TBX15: variants seen among roughly 807,000 people sequenced by gnomAD.
The protein encoded by TBX15 is T-box transcription factor 15.
TBX15 carries 18 observed loss-of-function variants against 53.9 expected under a neutral mutation model. The observed-to-expected ratio is 0.33, with a 90% confidence interval of 0.23 to 0.49. The LOEUF is 0.49. TBX15 is among the 20% of genes least tolerant of loss of function. The probability of loss-of-function intolerance (pLI) is 0.98; values close to 1 mark genes in which losing one functional copy is unlikely to be tolerated. For synonymous variants in TBX15, 295 were observed against 278.0 expected (o/e 1.06, Z -0.61); for missense variants, 692 against 749.5 (o/e 0.92, Z 0.90).
intron 7 of TBX15, among the ~76,000 whole-genome samples, chr1:118,885,823 A>G (rs1338794594): frequency 6.6e-6 from 1 of 152,096 alleles, no homozygotes; most frequent in East Asian, 1.9e-4. Context: ...ATAACAATAA[A>G]CCTTCCAAGA....
chr1:118,933,534 T>G (rs546065845), intron 1 of TBX15, among the ~76,000 whole-genome samples: 1 of 151,202 alleles, frequency 6.6e-6, no homozygotes, highest in African/African-American at 2.4e-5. Context: ...TACCTAGGAC[T>G]AAGTAGCAGC....
intron 1 of TBX15, among the ~76,000 whole-genome samples, chr1:118,935,129 A>G (rs1655926609): frequency 6.6e-6 from 1 of 152,212 alleles, no homozygotes; most frequent in South Asian, 2.1e-4. Context: ...GTAATCTCAG[A>G]GTCAAGATTA....
chr1:118,936,161 T>G (rs1571188884), intron 1 of TBX15, among the ~76,000 whole-genome samples: 2 of 152,292 alleles, frequency 1.3e-5, no homozygotes, highest in South Asian at 2.1e-4. Flanking sequence ...CACATTTAAT[T>G]GGAAGTGTAT....
chr1:118,932,008 T>C (rs1655808564), intron 1 of TBX15, among the ~76,000 whole-genome samples, 176 bp from the exon 2 acceptor site: 1 of 152,184 alleles, frequency 6.6e-6, no homozygotes. Context: ...TTTTTATGGT[T>C]TGTTTTTGTG....
At chr1:118,886,771 G>T (rs558841819) in intron 7 of TBX15, among the ~76,000 whole-genome samples, 1 of 152,190 alleles carries the variant, frequency 6.6e-6, no homozygotes, top group African/African-American at 2.4e-5. Flanking sequence ...CTGGGGTGGG[G>T]CCTAAGAATT....
chr1:118,925,104 G>A (rs570292236), intron 3 of TBX15, among the ~76,000 whole-genome samples: 14 of 152,276 alleles, frequency 9.2e-5, no homozygotes, highest in South Asian at 2.1e-4. Flanking sequence ...TCTCACAGCC[G>A]TCTTCCTTTC....
chr1:118,939,340 C>T (rs779545593), intron 1 of TBX15, among the ~76,000 whole-genome samples: 6 of 132,956 alleles, frequency 4.5e-5, no homozygotes, highest in Non-Finnish European at 6.2e-5. Context: ...CTGGGAAGGT[C>T]GAGGCTGCAG....
At chr1:118,960,439 G>A (rs1409134794) in intron 1 of TBX15, among the ~76,000 whole-genome samples, 2 of 152,180 alleles carry the variant, frequency 1.3e-5, no homozygotes, top group Non-Finnish European at 2.9e-5. Context: ...CCTTTGAAGC[G>A]AATGGCTTGG....
intron 1 of TBX15, among the ~76,000 whole-genome samples, chr1:118,949,748 A>C (rs912912350): frequency 2.6e-5 from 4 of 152,190 alleles, no homozygotes; most frequent in African/African-American, 9.7e-5. Context: ...TTCCATCAGC[A>C]CTGGTTCAAT....
At chr1:118,901,775 G>T (rs753359027) in intron 6 of TBX15, among the ~76,000 whole-genome samples, 6 of 152,068 alleles carry the variant, frequency 3.9e-5, no homozygotes, top group Non-Finnish European at 7.4e-5. Context: ...TTCACCCTCT[G>T]GTTCCATTAC....
chr1:118,899,952 CTA>C (rs146723171), intron 6 of TBX15, among the ~76,000 whole-genome samples: 6,830 of 152,180 alleles, frequency 0.045, 512 homozygotes, highest in African/African-American at 0.16. Flanking sequence ...CTTCAATTAA[CTA>C]TGTCTCTAAC....
intron 1 of TBX15, among the ~76,000 whole-genome samples, chr1:118,940,057 T>G (rs912358169): frequency 6.6e-6 from 1 of 151,954 alleles, no homozygotes; most frequent in Non-Finnish European, 1.5e-5. Context: ...TATACTCTGT[T>G]GCCCATTTTT....
chr1:118,899,194 C>T, intron 6 of TBX15, 69 bp from the exon 7 acceptor site: 1 of 1,376,456 alleles, frequency 7.3e-7, no homozygotes, highest in Admixed American at 1.8e-5. Context: ...TTTCAGAGAT[C>T]CAGAGGTGGA....
chr1:118,885,558 A>G (rs1310141949), intron 7 of TBX15, 42 bp from the exon 8 acceptor site: 2 of 1,550,074 alleles, frequency 1.3e-6, no homozygotes, highest in East Asian at 4.9e-5. Flanking sequence ...AGAGTCTTTT[A>G]AGATGAGTCT....
Position 118,885,130 on chromosome 1 carries a change from A to G in TBX15, c.1411T>C (p.Ser471Pro), listed in dbSNP as rs1653890925. Reference sequence around the variant, plus strand: ...TACTGAAACTGGGAAGTGGGAAAGGACCCCAGCTGGCCACCGTAGGCTTCC... The same window carrying G: ...TACTGAAACTGGGAAGTGGGAAAGGGCCCCAGCTGGCCACCGTAGGCTTCC... The part of the protein sequence containing the change: ...KMEAYGGQLG[S>P]FPTSQFQYVM... The change falls in exon 8 of 8, where the codon TCC (serine) becomes CCC (proline). Residue 471 changes from serine (S) to proline (P), a missense_variant. Coordinates refer to ENST00000369429, the MANE Select transcript of TBX15 (RefSeq NM_001330677.2). 6.2e-7 allele frequency: 1 copy of G among 1,613,896 alleles called. No individual in the cohort carries two copies. Among genetic ancestry groups the G allele is most frequent in the African/African-American group, 1.3e-5 (1 of 74,864 alleles).
Position 118,988,083 on chromosome 1 carries a change from G to A in TBX15, c.-288C>T. The stretch of plus-strand genomic sequence containing the variant: ...CGAGTCCTGCTTCCCACCCACCGGG[G>A]CAGGCGCTCACAGACTGTGTCCACT... On this transcript the variant is annotated 5_prime_UTR_variant, in exon 1 of 8. Transcript: ENST00000369429. The A allele has an allele frequency of 1.9e-6, 1 of 518,956 alleles. No individual in the cohort carries two copies. The highest frequency in any genetic ancestry group is 3.4e-6 in the Non-Finnish European group (1 of 292,976). The allele number at this position is 518,956 out of a possible 1,614,324, so 32.1% of individuals were successfully genotyped here.
intron 1 of TBX15, among the ~76,000 whole-genome samples, chr1:118,984,800 A>G (rs1657774804): frequency 6.6e-6 from 1 of 152,122 alleles, no homozygotes; most frequent in Non-Finnish European, 1.5e-5. Flanking sequence ...TTCGAAATAC[A>G]TAGTTTCCTC....
upstream of TBX15, among the ~76,000 whole-genome samples, chr1:118,989,179 AG>A (rs1657954670): frequency 6.6e-6 from 1 of 152,350 alleles, no homozygotes; most frequent in African/African-American, 2.4e-5. Flanking sequence ...ACAGAAGAGA[AG>A]GAGCTTTTTC....
At chr1:118,937,177 G>A (rs965625964) in intron 1 of TBX15, among the ~76,000 whole-genome samples, 2 of 152,120 alleles carry the variant, frequency 1.3e-5, no homozygotes, top group African/African-American at 4.8e-5. Context: ...CAGGTAGTGG[G>A]AATAACAGTG....
Sources: gnomAD v4.1 joint callset for allele counts (sites outside exome capture counted in the v4.1 genomes callset) on GRCh38, gnomAD v4.1.1 for gene constraint, MANE v1.5 for transcripts, NCBI Gene and HGNC (gene_info 2026-07-23, HGNC 2026-07-21) for gene names.